The following KSR2 variants were observed in gnomAD, a reference collection of about 807,000 sequenced individuals.
The protein encoded by KSR2 is kinase suppressor of ras 2.
A neutral mutation model predicts 107.8 loss-of-function variants in KSR2; 25 were observed. The ratio of observed to expected loss-of-function variants is 0.23; its 90% confidence interval spans 0.17 to 0.32. The LOEUF (loss-of-function observed/expected upper bound fraction) is 0.32. KSR2 is among the 10% of genes least tolerant of loss of function. The pLI, the probability that KSR2 is intolerant of heterozygous loss-of-function variation, is 1.00. For synonymous variants in KSR2, 480 were observed against 507.0 expected, an observed-to-expected ratio of 0.95 and a Z score of 0.71; for missense variants, 887 against 1,268.9, an observed-to-expected ratio of 0.70 and a Z score of 4.57.
intron 5 of KSR2, among the ~76,000 whole-genome samples, chr12:117,660,887 C>T (rs532181183): frequency 1.3e-5 from 2 of 152,338 alleles, no homozygotes; most frequent in South Asian, 2.1e-4. Context: ...CCTGGAATAA[C>T]TCCCATCCCA....
chr12:117,721,410 T>A (rs1887200560), intron 4 of KSR2, among the ~76,000 whole-genome samples: 1 of 152,242 alleles, frequency 6.6e-6, no homozygotes, highest in Admixed American at 6.5e-5. Context: ...ATGGTCAGAA[T>A]AATACTATTA....
intron 1 of KSR2, among the ~76,000 whole-genome samples, chr12:117,921,821 A>G (rs1476615687): frequency 1.3e-5 from 2 of 152,196 alleles, no homozygotes; most frequent in Non-Finnish European, 2.9e-5. Flanking sequence ...ATCCCGGATA[A>G]TATCAGAATG....
chr12:117,866,595 C>T (rs1566058280), intron 1 of KSR2, among the ~76,000 whole-genome samples: 1 of 152,140 alleles, frequency 6.6e-6, no homozygotes, highest in African/African-American at 2.4e-5. Flanking sequence ...GCTGGGAGGC[C>T]GAGGCTGGTG....
chr12:117,810,373 C>T lies in KSR2; in HGVS notation c.472+45055G>A, dbSNP rs1891152797. 2.6e-5 allele frequency among the ~76,000 whole-genome samples: 4 copies of T among 152,160 alleles called. No individual in the cohort carries two copies. In the South Asian group the frequency reaches 8.3e-4, roughly 32 times the overall value. On this transcript the variant is annotated intron_variant, in intron 3 of 19. Coordinates refer to ENST00000339824, the MANE Select transcript of KSR2 (RefSeq NM_173598.6). ...TCACCCAGGCTAGAGTGCAGTGGCACCAACATAGCTCATGGTAGCCTTGAC... is the reference window on the plus strand; with the variant it reads ...TCACCCAGGCTAGAGTGCAGTGGCATCAACATAGCTCATGGTAGCCTTGAC...
chr12:117,696,426 A>G (rs567460154), intron 4 of KSR2, among the ~76,000 whole-genome samples: 30 of 152,298 alleles, frequency 2.0e-4, no homozygotes, highest in African/African-American at 6.5e-4. Context: ...CCAAGAAAAA[A>G]ACAGGTTTAG....
chr12:117,893,043 G>C (rs1339432898), intron 1 of KSR2, among the ~76,000 whole-genome samples: 1 of 149,974 alleles, frequency 6.7e-6, no homozygotes, highest in South Asian at 2.1e-4. Flanking sequence ...TTTGAGACGG[G>C]GTCTTACTCT....
At chr12:117,875,553 C>T (rs1893814731) in intron 1 of KSR2, among the ~76,000 whole-genome samples, 1 of 152,060 alleles carries the variant, frequency 6.6e-6, no homozygotes, top group African/African-American at 2.4e-5. Context: ...TGGTCACACA[C>T]ATAAAGAGGC....
At chr12:117,826,230 C>G (rs2137096410) in intron 3 of KSR2, among the ~76,000 whole-genome samples, 1 of 152,240 alleles carries the variant, frequency 6.6e-6, no homozygotes, top group South Asian at 2.1e-4. Flanking sequence ...TCTGGATCCA[C>G]CTCTGCTCAG....
At chr12:117,852,657 G>A (rs185179453) in intron 3 of KSR2, among the ~76,000 whole-genome samples, 155 of 152,192 alleles carry the variant, frequency 1.0e-3, no homozygotes, top group East Asian at 1.9e-3. Context: ...AGTGCCTCCC[G>A]GATGAGACAA....
At chr12:117,900,971 G>A (rs1274280471) in intron 1 of KSR2, among the ~76,000 whole-genome samples, 1 of 152,126 alleles carries the variant, frequency 6.6e-6, no homozygotes, top group African/African-American at 2.4e-5. Context: ...ACCAAAACAC[G>A]GTTTCATCTT....
At chr12:117,643,809 G>T (rs1334848924) in intron 5 of KSR2, among the ~76,000 whole-genome samples, 1 of 152,212 alleles carries the variant, frequency 6.6e-6, no homozygotes, top group East Asian at 1.9e-4. Flanking sequence ...CACAGAACCA[G>T]CATTTAGGAA....
chr12:117,803,064 C>T (rs1040544728), intron 3 of KSR2, among the ~76,000 whole-genome samples: 4 of 152,170 alleles, frequency 2.6e-5, no homozygotes, highest in Non-Finnish European at 5.9e-5. Context: ...AAAAATATTT[C>T]CATTCCTGAA....
At chr12:117,674,492 C>T (rs1357847692) in intron 4 of KSR2, 3 of 444,938 alleles carry the variant, frequency 6.7e-6, no homozygotes, top group East Asian at 7.1e-5. Context: ...AAATCCCTTA[C>T]GCATTAGTCA....
At chr12:117,928,717 A>G (rs1238792959) in intron 1 of KSR2, among the ~76,000 whole-genome samples, 1 of 152,242 alleles carries the variant, frequency 6.6e-6, no homozygotes, top group African/African-American at 2.4e-5. Context: ...TGGCAATTCT[A>G]CATTTAATTT....
chr12:117,935,667 A>G (rs902846380), intron 1 of KSR2, among the ~76,000 whole-genome samples: 2 of 152,312 alleles, frequency 1.3e-5, no homozygotes, highest in Admixed American at 6.5e-5. Context: ...AGGCTGAGGC[A>G]TAAGAATTGC....
intron 3 of KSR2, among the ~76,000 whole-genome samples, chr12:117,800,804 T>C (rs1445558853): frequency 6.6e-6 from 1 of 152,006 alleles, no homozygotes; most frequent in Non-Finnish European, 1.5e-5. Context: ...CCTGTGTTCA[T>C]GTGTTCTCAT....
At chr12:117,845,535 G>A (rs942232811) in intron 3 of KSR2, among the ~76,000 whole-genome samples, 2 of 152,124 alleles carry the variant, frequency 1.3e-5, no homozygotes, top group Non-Finnish European at 2.9e-5. Context: ...CAACAATTTA[G>A]GCATCAGGTG....
intron 4 of KSR2, among the ~76,000 whole-genome samples, chr12:117,709,748 A>C (rs982185387): frequency 6.6e-6 from 1 of 152,038 alleles, no homozygotes; most frequent in Non-Finnish European, 1.5e-5. Context: ...GGGCCAGATA[A>C]CTCTTAGTTG....
chr12:117,621,688 A>G (rs1222120600), intron 5 of KSR2, among the ~76,000 whole-genome samples: 1 of 152,172 alleles, frequency 6.6e-6, no homozygotes, highest in Non-Finnish European at 1.5e-5. Flanking sequence ...TGTTCAGGTA[A>G]TATATAGTGA....
Sources: allele counts gnomAD v4.1 joint callset (sites outside exome capture counted in the v4.1 genomes callset), GRCh38; gene constraint gnomAD v4.1.1; transcripts MANE v1.5; gene names NCBI Gene and HGNC (gene_info 2026-07-23, HGNC 2026-07-21).